Variants in ALDH9A1 observed in about 807,000 individuals in gnomAD.
The protein encoded by ALDH9A1 is 4-trimethylaminobutyraldehyde dehydrogenase.
In ALDH9A1, 42 loss-of-function variants were observed where a neutral mutation model predicts 56.6. The observed-to-expected ratio is 0.74, with a 90% confidence interval of 0.58 to 0.96. The LOEUF is 0.96. Among genes scored for constraint, ALDH9A1 ranks in the 40% least tolerant of loss-of-function variants. The pLI is 0.00. For missense variants in ALDH9A1, 661 were observed against 651.5 expected, an observed-to-expected ratio of 1.01 and a Z score of -0.16; for synonymous variants, 242 against 236.0, an observed-to-expected ratio of 1.03 and a Z score of -0.23.
At chr1:165,693,542 A>G (rs202110710) in intron 2 of ALDH9A1, among the ~76,000 whole-genome samples, 9 of 152,296 alleles carry the variant, frequency 5.9e-5, no homozygotes, top group East Asian at 5.8e-4. Flanking sequence ...TTAGAATGGC[A>G]ATCATTAAAA....
rs138988025 is a variant in ALDH9A1 at position 165,666,210 on chromosome 1, A to G, written c.1350-1080T>C. Among the ~76,000 whole-genome samples, 388 of 152,252 alleles carry G rather than the reference A, an allele frequency of 2.5e-3. 4 individuals are homozygous for G. The highest frequency in any genetic ancestry group is 3.9e-3 in the Non-Finnish European group (265 of 68,010). On this transcript the variant is annotated intron_variant, in intron 9 of 10. Transcript: ENST00000354775. ...GTTCAGAATGGGCAAATCCATGGAG[A>G]TAGAAAGTAGTTTAGTGGATGCCAG...
intron 6 of ALDH9A1, among the ~76,000 whole-genome samples, chr1:165,677,371 T>TA (rs1649396831): frequency 6.6e-6 from 1 of 151,450 alleles, no homozygotes; most frequent in African/African-American, 2.4e-5. Flanking sequence ...AAATTAATAA[T>TA]AAACAGATAA....
Position 165,680,492 on chromosome 1 carries a change from T to G in ALDH9A1, c.784A>C (p.Met262Leu). ...AATACTGGTTTTGTCCTCACCTTCA[T>G]GCCAGTGGGCACACTTCCAGTGAAG... ...VSFTGSVPTG[M>L]KIMEMSAKGI... is the part of the protein sequence containing the mutation. The change falls in exon 5 of 11, where the codon ATG becomes CTG. Residue 262 changes from methionine to leucine, a missense_variant. Transcript: ENST00000354775. The G allele has an allele frequency of 6.2e-7, 1 of 1,614,044 alleles. No individual in the cohort carries two copies. The highest frequency in any genetic ancestry group is 8.5e-7 in the Non-Finnish European group (1 of 1,179,980).
intron 6 of ALDH9A1, among the ~76,000 whole-genome samples, chr1:165,672,968 TACAA>T (rs1360636755): frequency 1.1e-3 from 68 of 60,628 alleles, no homozygotes; most frequent in Admixed American, 4.9e-3. Flanking sequence ...ATAAAAAAAA[TACAA>T]ACACACACAC....
chr1:165,680,111 G>C (rs767641827), intron 5 of ALDH9A1, among the ~76,000 whole-genome samples: 8 of 152,208 alleles, frequency 5.3e-5, no homozygotes, highest in Non-Finnish European at 1.2e-4. Flanking sequence ...ACAGAGTTCA[G>C]AACACAAATT....
intron 6 of ALDH9A1, among the ~76,000 whole-genome samples, chr1:165,677,105 G>A: frequency 6.6e-6 from 1 of 152,180 alleles, no homozygotes; most frequent in Non-Finnish European, 1.5e-5. Context: ...GGGCACGGTG[G>A]CACATGCCTG....
In ALDH9A1 at chr1:165,698,120, C is replaced by A. The variant is rs16849479; in HGVS notation, c.181+258G>T. On this transcript the variant is annotated intron_variant, in intron 1 of 10. Transcript: ENST00000354775. ...TTCCCCCACCAGTACTTTGCGAACT[C>A]TGTTCTGGCCCGGGTAAAACAACTC... 6.4e-3 allele frequency: 5,864 copies of A among 921,328 alleles called. 226 individuals are homozygous for A. The African/African-American group carries it at 0.089, about 14-fold the overall frequency. 57.1% of individuals were successfully genotyped at this position (921,328 alleles called of 1,614,324 possible).
intron 10 of ALDH9A1, 38 bp from the exon 11 acceptor site, chr1:165,663,182 A>C (rs772493751): frequency 5.2e-6 from 8 of 1,529,436 alleles, no homozygotes; most frequent in Admixed American, 1.7e-5. Context: ...AGCCATCACT[A>C]CAATAGTCTG....
At chr1:165,667,232 T>G in intron 9 of ALDH9A1, 77 bp downstream of exon 9, 2 of 1,566,252 alleles carry the variant, frequency 1.3e-6, no homozygotes, top group Non-Finnish European at 1.7e-6. Context: ...AGTGAGAGAA[T>G]AGGATCAATT....
At chr1:165,697,968 G>A (rs1344939779) in intron 1 of ALDH9A1, among the ~76,000 whole-genome samples, 1 of 152,170 alleles carries the variant, frequency 6.6e-6, no homozygotes, top group Non-Finnish European at 1.5e-5. Context: ...GGTAGAGGGC[G>A]CAGTGAGCTC....
At chr1:165,666,788 A>G (rs1320860006) in intron 9 of ALDH9A1, among the ~76,000 whole-genome samples, 1 of 152,250 alleles carries the variant, frequency 6.6e-6, no homozygotes, top group Non-Finnish European at 1.5e-5. Context: ...TTTCAAAGAA[A>G]TTGTACTCCC....
chr1:165,681,994 C>T, intron 4 of ALDH9A1, 113 bp downstream of exon 4: 1 of 1,408,032 alleles, frequency 7.1e-7, no homozygotes, highest in Non-Finnish European at 9.7e-7. Flanking sequence ...CCAGAGCAGG[C>T]CCCTTCCGAT....
chr1:165,698,544 T>C lies in ALDH9A1; in HGVS notation c.15A>G (p.Ala5=), dbSNP rs12408101. 1.2e-6 allele frequency: 2 copies of C among 1,605,916 alleles called. No individual in the cohort carries two copies. Among genetic ancestry groups the C allele is most frequent in the Non-Finnish European group, 1.7e-6 (2 of 1,177,384 alleles). The change falls in exon 1 of 11, where the codon GCA becomes GCG. Residue 5 remains alanine (A), a synonymous_variant. Coordinates refer to ENST00000354775, the MANE Select transcript of ALDH9A1 (RefSeq NM_000696.4). MFLR[A]GLAALSPLLR... ...GAAGCGGGGAGAGCGCGGCCAGGCC[T>C]GCTCGGAGAAACATGAGTGGCGGAC...
rs373037887 is a variant in ALDH9A1 at position 165,665,019 on chromosome 1, T to A, written c.1461A>T (p.Ser487=). ...CATTCACACCTCCCAGCTCCTCACCTGACTTCTTATATCCACCAAAGGGCA... is the reference window on the plus strand; with the variant it reads ...CATTCACACCTCCCAGCTCCTCACCAGACTTCTTATATCCACCAAAGGGCA... ...VELPFGGYKK[S]GFGRENGRVT... is the part of the protein sequence containing the mutation. The change falls in exon 10 of 11, where the codon TCA becomes TCT. Residue 487 remains serine, a splice_region_variant and synonymous_variant. Coordinates refer to ENST00000354775, the MANE Select transcript of ALDH9A1 (RefSeq NM_000696.4). 1.2e-6 allele frequency: 2 copies of A among 1,613,412 alleles called. No homozygotes were observed. Among genetic ancestry groups the A allele is most frequent in the Admixed American group, 3.3e-5 (2 of 59,998 alleles).
chr1:165,676,389 G>T, intron 6 of ALDH9A1: 1 of 189,058 alleles, frequency 5.3e-6, no homozygotes, highest in East Asian at 1.5e-4. Context: ...TTGTTCCTTG[G>T]GCCACGTGCA....
At chr1:165,670,191 G>A (rs1423486672) in intron 6 of ALDH9A1, among the ~76,000 whole-genome samples, 1 of 152,182 alleles carries the variant, frequency 6.6e-6, no homozygotes, top group East Asian at 1.9e-4. Flanking sequence ...CCAGCACTTT[G>A]GGAGGACAAG....
chr1:165,669,502 G>A (rs748652357), intron 6 of ALDH9A1, 52 bp from the exon 7 acceptor site: 27 of 1,436,628 alleles, frequency 1.9e-5, no homozygotes, highest in South Asian at 6.0e-5. Flanking sequence ...GAGAAAAAAG[G>A]GAAAAGGAAA....
intron 2 of ALDH9A1, among the ~76,000 whole-genome samples, chr1:165,686,458 T>C (rs1264117871): frequency 6.6e-6 from 1 of 150,614 alleles, no homozygotes; most frequent in Non-Finnish European, 1.5e-5. Context: ...TGAGTACCAG[T>C]GTGAGAAAAC....
chr1:165,674,101 C>A (rs1465551291), intron 6 of ALDH9A1, among the ~76,000 whole-genome samples: 1 of 151,966 alleles, frequency 6.6e-6, no homozygotes, highest in East Asian at 1.9e-4. Flanking sequence ...TGCTAAAAGA[C>A]ATACCCATCA....
Sources: gnomAD v4.1 joint callset for allele counts (sites outside exome capture counted in the v4.1 genomes callset) on GRCh38, gnomAD v4.1.1 for gene constraint, MANE v1.5 for transcripts, NCBI Gene and HGNC (gene_info 2026-07-23, HGNC 2026-07-21) for gene names.